The following DACH2 variants were observed in gnomAD, a reference collection of about 807,000 sequenced individuals.
DACH2 encodes dachshund family transcription factor 2.
A neutral mutation model predicts 35.8 loss-of-function variants in DACH2; 17 were observed. The ratio of observed to expected loss-of-function variants is 0.48; its 90% confidence interval spans 0.33 to 0.71. The LOEUF (loss-of-function observed/expected upper bound fraction) is 0.71, where lower values mean the gene tolerates loss of function less well. Ranked by LOEUF, DACH2 falls within the 30% of genes least tolerant of loss-of-function variation. The probability of loss-of-function intolerance (pLI) is 0.02; values close to 1 mark genes in which losing one functional copy is unlikely to be tolerated. For synonymous variants in DACH2, 195 were observed against 177.3 expected, an observed-to-expected ratio of 1.10 and a Z score of -0.79; for missense variants, 469 against 472.7, an observed-to-expected ratio of 0.99 and a Z score of 0.07.
intron 1 of DACH2, among the ~76,000 whole-genome samples, chrX:86,238,928 G>C (rs1007166636): frequency 9.0e-6 from 1 of 110,883 alleles, no homozygotes; most frequent in East Asian, 2.8e-4. Flanking sequence ...AGATAATTCA[G>C]CTACAACAGG....
At chrX:86,524,866 G>C (rs2038608802) in intron 3 of DACH2, among the ~76,000 whole-genome samples, 1 of 110,888 alleles carries the variant, frequency 9.0e-6, no homozygotes, top group South Asian at 3.8e-4. Context: ...TGATAGTAAT[G>C]ATGATGATGA....
intron 2 of DACH2, among the ~76,000 whole-genome samples, chrX:86,407,521 T>G (rs1556100817): frequency 8.9e-6 from 1 of 112,252 alleles, no homozygotes; most frequent in Admixed American, 9.5e-5. Context: ...CCAGCATACT[T>G]TGTGACTCCA....
chrX:86,424,907 GC>G (rs2036866703), intron 2 of DACH2, among the ~76,000 whole-genome samples: 1 of 111,097 alleles, frequency 9.0e-6, no homozygotes, highest in Admixed American at 9.6e-5. Flanking sequence ...TTTATTAAAT[GC>G]TTTTTCAGGA....
intron 3 of DACH2, among the ~76,000 whole-genome samples, chrX:86,591,039 TC>T (rs1267265604): frequency 9.1e-6 from 1 of 110,360 alleles, no homozygotes; most frequent in Non-Finnish European, 1.9e-5. Context: ...TTCTCATTGT[TC>T]AATTCCCACC....
chrX:86,829,944 A>T (rs568010240), intron 11 of DACH2: 3 of 111,249 alleles, frequency 2.7e-5, no homozygotes, highest in Non-Finnish European at 5.7e-5. Flanking sequence ...TCTTATTGAC[A>T]TCCAGAGTTC....
At chrX:86,647,133 T>A (rs1490862579) in intron 3 of DACH2, among the ~76,000 whole-genome samples, 3 of 110,150 alleles carry the variant, frequency 2.7e-5, no homozygotes, top group Admixed American at 9.7e-5. Flanking sequence ...TCTCAAAAAA[T>A]TAAAAATAGA....
intron 4 of DACH2, among the ~76,000 whole-genome samples, chrX:86,663,815 G>T (rs2040635367): frequency 9.0e-6 from 1 of 111,151 alleles, no homozygotes; most frequent in African/African-American, 3.3e-5. Flanking sequence ...TTTTCTACAT[G>T]AATTAAATTG....
intron 3 of DACH2, among the ~76,000 whole-genome samples, chrX:86,642,200 T>A (rs2040355043): frequency 9.0e-6 from 1 of 111,571 alleles, no homozygotes; most frequent in Non-Finnish European, 1.9e-5. Flanking sequence ...TAGTATTCTG[T>A]CTTTGAGAGA....
intron 1 of DACH2, among the ~76,000 whole-genome samples, chrX:86,215,017 C>T (rs907252917): frequency 3.6e-5 from 4 of 111,428 alleles, no homozygotes; most frequent in Non-Finnish European, 7.6e-5. Flanking sequence ...AGATAGTTTC[C>T]TTTCTCTCTC....
chrX:86,297,272 T>G (rs187620926), intron 1 of DACH2, among the ~76,000 whole-genome samples: 1 of 110,421 alleles, frequency 9.1e-6, no homozygotes, highest in African/African-American at 3.3e-5. Flanking sequence ...TCTCAGTCCA[T>G]GGGTCACATC....
At chrX:86,308,940 C>T (rs1413522684) in intron 1 of DACH2, among the ~76,000 whole-genome samples, 4 of 111,299 alleles carry the variant, frequency 3.6e-5, no homozygotes, top group Non-Finnish European at 1.9e-5. Context: ...GTCATTCACC[C>T]AGTGCCAGAA....
chrX:86,309,410 GCCTTCAGCTGGCAAGGACAGCAATATA>G (rs2034753393), intron 1 of DACH2, among the ~76,000 whole-genome samples: 1 of 112,272 alleles, frequency 8.9e-6, no homozygotes, highest in Admixed American at 9.4e-5. Context: ...GAAGCAATTT[GCCTTCAGCTGGCAAGGACAGCAATATA>G]CCTTTACTGT....
At chrX:86,708,224 G>A (rs995937763) in intron 5 of DACH2, among the ~76,000 whole-genome samples, 11 of 110,265 alleles carry the variant, frequency 1.0e-4, no homozygotes, top group African/African-American at 3.0e-4. Context: ...CCCTAAGATC[G>A]AAAACAAGGG....
intron 2 of DACH2, among the ~76,000 whole-genome samples, chrX:86,440,774 A>ATATTTAGCATATATATT (rs1360993759): frequency 9.9e-5 from 11 of 111,604 alleles, no homozygotes; most frequent in African/African-American, 3.6e-4. Context: ...TCAATGCAGG[A>ATATTTAGCATATATATT]TATTTAGCAT....
At chrX:86,556,783 TATATATATATATAGAGAG>T (rs1408313656) in intron 3 of DACH2, among the ~76,000 whole-genome samples, 25 of 56,968 alleles carry the variant, frequency 4.4e-4, no homozygotes, top group East Asian at 1.3e-3. Flanking sequence ...TATATATATA[TATATATATATATAGAGAG>T]AGAGAGAGAG....
chrX:86,773,245 A>C (rs1344379311), intron 7 of DACH2, among the ~76,000 whole-genome samples: 1 of 112,054 alleles, frequency 8.9e-6, no homozygotes, highest in African/African-American at 3.2e-5. Flanking sequence ...CTGTTTAAGA[A>C]GAAATTGTAA....
intron 5 of DACH2, among the ~76,000 whole-genome samples, chrX:86,697,061 C>T (rs1423938825): frequency 9.0e-6 from 1 of 111,461 alleles, no homozygotes; most frequent in Admixed American, 9.6e-5. Context: ...CAGTACAATT[C>T]CAGCAGCCTT....
intron 4 of DACH2, among the ~76,000 whole-genome samples, chrX:86,680,599 G>A (rs926583145): frequency 9.2e-6 from 1 of 109,243 alleles, no homozygotes; most frequent in Non-Finnish European, 1.9e-5. Flanking sequence ...GAAACTAATG[G>A]CCTTTTCAAA....
At chrX:86,432,883 A>G (rs2037007516) in intron 2 of DACH2, among the ~76,000 whole-genome samples, 1 of 112,172 alleles carries the variant, frequency 8.9e-6, no homozygotes, top group Admixed American at 9.5e-5. Flanking sequence ...AGACTACAGG[A>G]CACAATTCGG....
Sources: allele counts gnomAD v4.1 joint callset (sites outside exome capture counted in the v4.1 genomes callset), GRCh38; gene constraint gnomAD v4.1.1; transcripts MANE v1.5; gene names NCBI Gene and HGNC (gene_info 2026-07-23, HGNC 2026-07-21).